Variants in GOLGA3 observed in about 807,000 individuals in gnomAD.
GOLGA3 encodes golgin A3, also known as golgin subfamily A member 3.
In GOLGA3, 75 loss-of-function variants were observed where a neutral mutation model predicts 169.4. That is an observed-to-expected ratio of 0.44 (90% CI 0.37 to 0.54). GOLGA3 has a LOEUF of 0.54. GOLGA3 is among the 20% of genes least tolerant of loss of function. The probability of loss-of-function intolerance (pLI) is 0.00; values close to 1 mark genes in which losing one functional copy is unlikely to be tolerated. For synonymous variants in GOLGA3, 824 were observed against 822.4 expected (o/e 1.00, Z -0.03); for missense variants, 1,899 against 1,930.0 (o/e 0.98, Z 0.30).
At chr12:132,784,395 GT>G (rs2045780860) in intron 15 of GOLGA3, 88 bp from the exon 16 acceptor site, 2 of 1,126,110 alleles carry the variant, frequency 1.8e-6, no homozygotes, top group African/African-American at 3.1e-5. Context: ...ATGAGGCTGT[GT>G]GGCTGCACAC....
chr12:132,794,000 T>C (rs976764622), intron 11 of GOLGA3, among the ~76,000 whole-genome samples: 1 of 152,144 alleles, frequency 6.6e-6, no homozygotes, highest in Non-Finnish European at 1.5e-5. Flanking sequence ...TTCCCTACAA[T>C]ATGGAGGGCG....
chr12:132,824,359 C>T (rs761357876), intron 1 of GOLGA3, among the ~76,000 whole-genome samples: 2 of 152,212 alleles, frequency 1.3e-5, no homozygotes, highest in African/African-American at 2.4e-5. Flanking sequence ...TTGCATCCTA[C>T]AGGCCAGAGA....
chr12:132,777,091 C>A lies in GOLGA3; in HGVS notation c.3723-1G>T. The A allele has an allele frequency of 6.3e-7, 1 of 1,578,602 alleles. No individual in the cohort carries two copies. The highest frequency in any genetic ancestry group is 1.4e-5 in the African/African-American group (1 of 73,358). ...CTGGGAATGTTTCCCCTCCCGAATC[C>A]TAGCGTAAAAAAACAAGAAAGAAGG... On this transcript the variant is annotated splice_acceptor_variant, in intron 19 of 23. Coordinates refer to ENST00000450791, the MANE Select transcript of GOLGA3 (RefSeq NM_001389683.1). LOFTEE classifies it high-confidence loss of function. This position sits in a 1 kb window ranked among gnomAD's most constrained non-coding sequence, Gnocchi z 4.7.
At chr12:132,801,699 G>C (rs949407957) in intron 8 of GOLGA3, 68 bp downstream of exon 8, 1 of 1,446,462 alleles carries the variant, frequency 6.9e-7, no homozygotes. Flanking sequence ...AAAAATCTCA[G>C]GAAAAAGCAC....
At chr12:132,775,345 C>G in intron 21 of GOLGA3, 40 bp from the exon 22 acceptor site, 1 of 1,538,558 alleles carries the variant, frequency 6.5e-7, no homozygotes, top group Non-Finnish European at 8.9e-7. Flanking sequence ...GCTAACAGAT[C>G]TTAAACATCC....
rs372192050 is a variant in GOLGA3, at chr12:132,807,952, G to T, written c.1117C>A (p.Gln373Lys). 1 of 1,611,908 alleles carries T rather than the reference G, an allele frequency of 6.2e-7. No homozygotes were observed. Among genetic ancestry groups the T allele is most frequent in the African/African-American group, 1.3e-5 (1 of 74,398 alleles). The part of the protein sequence containing the change: ...DVLQAAAAEH[Q>K]DQGQEVNGEV... ...CCGTTGACCTCCTGCCCCTGGTCTT[G>T]GTGCTCAGCGGCTGCGGCCTGGAGG... The change falls in exon 5 of 24, where the codon CAA becomes AAA. Residue 373 changes from glutamine to lysine, a missense_variant. Physicochemically the swap from Gln to Lys is moderately conservative, Grantham distance 53. Transcript: ENST00000450791.
At chr12:132,811,737 T>C (rs534503459) in intron 4 of GOLGA3, 181 of 252,906 alleles carry the variant, frequency 7.2e-4, no homozygotes, top group South Asian at 8.9e-4. Context: ...GCTGGGATTA[T>C]AGGTGTGAGC....
Position 132,772,818 on chromosome 12 carries a change from C to T in GOLGA3, c.*287G>A. 1 of 304,544 alleles carries T rather than the reference C, an allele frequency of 3.3e-6. No individual in the cohort carries two copies. The highest frequency in any genetic ancestry group is 6.2e-6 in the Non-Finnish European group (1 of 162,008). 18.9% of individuals were successfully genotyped at this position (304,544 alleles called of 1,614,324 possible). ...CACCCGCAGAGAGCAGCATCGGTGG[C>T]CGCTCAGAAGCCACGACCTACAAGT... is the stretch of plus-strand genomic sequence containing the variant. On this transcript the variant is annotated 3_prime_UTR_variant, in exon 24 of 24. Transcript: ENST00000450791.
rs183183268 is a variant in GOLGA3 at position 132,774,315 on chromosome 12, C to A, written c.4149G>T (p.Lys1383Asn). 24 of 1,611,750 alleles carry A rather than the reference C, an allele frequency of 1.5e-5. No individual in the cohort carries two copies. In the African/African-American group the frequency reaches 3.1e-4, roughly 21 times the overall value. Residue 1383 changes from lysine to asparagine, a missense_variant, in exon 23 of 24, where the codon AAG becomes AAT. By Grantham distance (94) the Lys-to-Asn change is moderately conservative (BLOSUM62 0). Coordinates refer to ENST00000450791, the MANE Select transcript of GOLGA3 (RefSeq NM_001389683.1). Reference sequence around the variant, plus strand: ...AAGAGCTGGCCTCGCCTTTCGGCTCCTTTCTCTGTTTTTAAAAGCACATGA... The same window carrying A: ...AAGAGCTGGCCTCGCCTTTCGGCTCATTTCTCTGTTTTTAAAAGCACATGA... The part of the protein sequence containing the change: ...DLRRGAAKTR[K>N]EPKGEASSSN...
At position 132,796,058 on chromosome 12, in the gene GOLGA3, C is replaced by T; in HGVS notation, c.2263G>A (p.Gly755Arg). 1 of 1,612,790 alleles carries T rather than the reference C, an allele frequency of 6.2e-7. No individual in the cohort carries two copies. Among genetic ancestry groups the T allele is most frequent in the Non-Finnish European group, 8.5e-7 (1 of 1,179,964 alleles). The change falls in exon 11 of 24, where the codon GGG becomes AGG. Residue 755 changes from glycine (G) to arginine (R), a missense_variant. Gly to Arg is a moderately radical substitution (Grantham distance 125). Transcript: ENST00000450791. ...THYDELQARLGELQGEAASRE... is the reference protein window; with the variant it reads ...THYDELQARLRELQGEAASRE... ...GAGGCGGCCTCGCCCTGCAGCTCCC[C>T]CAGCCTGGCCTGCAGCTCATCGTAG...
At chr12:132,784,018 G>A in intron 16 of GOLGA3, 146 bp downstream of exon 16, 2 of 1,515,264 alleles carry the variant, frequency 1.3e-6, no homozygotes, top group Non-Finnish European at 1.8e-6. Context: ...AGAGCCAGAG[G>A]CCGACGGTCA....
At chr12:132,818,774 C>A (rs1950093517) in intron 2 of GOLGA3, among the ~76,000 whole-genome samples, 1 of 152,114 alleles carries the variant, frequency 6.6e-6, no homozygotes, top group Middle Eastern at 3.4e-3. Flanking sequence ...GACCCTAAGG[C>A]GAAGAGGTGG....
At chr12:132,827,743 C>T (rs1306697588) in intron 1 of GOLGA3, 3 of 152,090 alleles carry the variant, frequency 2.0e-5, no homozygotes, top group Non-Finnish European at 4.4e-5. Context: ...TTATAAAGCG[C>T]TATGTTGATG....
chr12:132,778,649 T>G (rs192160388), intron 18 of GOLGA3, among the ~76,000 whole-genome samples: 5 of 150,250 alleles, frequency 3.3e-5, no homozygotes, highest in African/African-American at 1.2e-4. Context: ...AAAAATAAAA[T>G]TAATTGGAAG....
Position 132,816,593 on chromosome 12 carries a change from T to TAGAA in GOLGA3, c.352_353insTTCT (p.Lys118IlefsTer69), listed in dbSNP as rs1949969687. On this transcript the variant is annotated frameshift_variant, in exon 3 of 24. Coordinates refer to ENST00000450791, the MANE Select transcript of GOLGA3 (RefSeq NM_001389683.1). LOFTEE classifies it high-confidence loss of function. ...GAGTCTGAGAGACTGCAAAGCTTCTTTTCTAACACTGCCCTCAGCACTAGT... is the reference window on the plus strand; with the variant it reads ...GAGTCTGAGAGACTGCAAAGCTTCTTAGAATTCTAACACTGCCCTCAGCACTAGT... 6.2e-7 allele frequency: 1 copy of TAGAA among 1,614,018 alleles called. No individual in the cohort carries two copies. Among genetic ancestry groups the TAGAA allele is most frequent in the African/African-American group, 1.3e-5 (1 of 74,940 alleles).
chr12:132,776,003 C>T (rs1359091831), intron 21 of GOLGA3, among the ~76,000 whole-genome samples: 1 of 152,272 alleles, frequency 6.6e-6, no homozygotes, highest in Non-Finnish European at 1.5e-5. Flanking sequence ...CTCTGTCCTG[C>T]CGCATGACGT....
intron 17 of GOLGA3, among the ~76,000 whole-genome samples, chr12:132,781,504 C>T (rs758328743): frequency 1.3e-5 from 2 of 152,084 alleles, no homozygotes; most frequent in Admixed American, 6.6e-5. Flanking sequence ...GAGCCGCGAT[C>T]GTGCCACTGC....
In GOLGA3 at chr12:132,825,833, AAG is replaced by A. The variant is rs1950389748; in HGVS notation, c.-184+2968_-184+2969del. Reference sequence around the variant, plus strand: ...CTACAAGAACATTGGTCTGGGCTTCAAGACACCCAAAGAGGCTACTGAGGGCA... The same window carrying A: ...CTACAAGAACATTGGTCTGGGCTTCAACACCCAAAGAGGCTACTGAGGGCA... On this transcript the variant is annotated intron_variant, in intron 1 of 23. Transcript: ENST00000450791. 20 of 1,050,510 alleles carry A rather than the reference AAG, an allele frequency of 1.9e-5. No individual in the cohort carries two copies. The South Asian group carries it at 2.5e-4, about 13-fold the overall frequency. 65.1% of individuals were successfully genotyped at this position (1,050,510 alleles called of 1,614,324 possible). A position where few individuals can be genotyped will look rare whatever the true frequency, so the allele number is the denominator to read the frequency against.
At position 132,770,287 on chromosome 12, in the gene GOLGA3, G is replaced by A. The variant is rs1425780017; in HGVS notation, c.*2818C>T. The A allele has an allele frequency of 6.7e-6, 1 of 149,304 alleles. No individual in the cohort carries two copies. Among genetic ancestry groups the A allele is most frequent in the Non-Finnish European group, 1.5e-5 (1 of 67,970 alleles). 9.2% of individuals were successfully genotyped at this position (149,304 alleles called of 1,614,324 possible). A position where few individuals can be genotyped will look rare whatever the true frequency, so the allele number is the denominator to read the frequency against. Reference sequence around the variant, plus strand: ...TCTTTTAGGCGTCTTCTTAAGGAAGGAAGTGTCCGCGTGAACACGAGAGGC... The same window carrying A: ...TCTTTTAGGCGTCTTCTTAAGGAAGAAAGTGTCCGCGTGAACACGAGAGGC... On this transcript the variant is annotated 3_prime_UTR_variant, in exon 24 of 24. Transcript: ENST00000450791.
Sources: gnomAD v4.1 joint callset for allele counts (sites outside exome capture counted in the v4.1 genomes callset) on GRCh38, gnomAD v4.1.1 for gene constraint, Gnocchi (gnomAD v3.1) non-coding constraint, MANE v1.5 for transcripts, NCBI Gene and HGNC (gene_info 2026-07-23, HGNC 2026-07-21) for gene names.